POU6F2: variants seen among roughly 807,000 people sequenced by gnomAD.
POU6F2 encodes POU class 6 homeobox 2.
In POU6F2, 31 loss-of-function variants were observed where a neutral mutation model predicts 71.3. The ratio of observed to expected loss-of-function variants is 0.43; its 90% confidence interval spans 0.33 to 0.59. POU6F2 has a LOEUF of 0.59. Among genes scored for constraint, POU6F2 ranks in the 20% least tolerant of loss-of-function variants. POU6F2 has a pLI of 0.04. For synonymous variants in POU6F2, 347 were observed against 355.7 expected, an observed-to-expected ratio of 0.98 and a Z score of 0.27; for missense variants, 783 against 856.8, an observed-to-expected ratio of 0.91 and a Z score of 1.07.
At chr7:39,240,779 TTTG>T (rs1317845452) in intron 4 of POU6F2, among the ~76,000 whole-genome samples, 1 of 152,172 alleles carries the variant, frequency 6.6e-6, no homozygotes, top group Admixed American at 6.6e-5. Context: ...TAATGAAGTT[TTTG>T]TTATTTAATG....
chr7:38,998,109 G>T lies in POU6F2; in HGVS notation c.105+20051G>T, dbSNP rs149662634. Among the ~76,000 whole-genome samples the T allele has an allele frequency of 9.0e-3, 1,365 of 152,292 alleles. 18 individuals carry two copies. Among genetic ancestry groups the T allele is most frequent in the African/African-American group, 0.03 (1,253 of 41,558 alleles). ...TATATGTACATTTATTTTCTCCGAAGAATTTTTAAATGATCAAGTCTTTTA... is the reference window on the plus strand; with the variant it reads ...TATATGTACATTTATTTTCTCCGAATAATTTTTAAATGATCAAGTCTTTTA... On this transcript the variant is annotated intron_variant, in intron 1 of 9. Coordinates refer to ENST00000518318, the MANE Select transcript of POU6F2 (RefSeq NM_001370959.1).
chr7:39,016,015 T>TG (rs376501299), intron 1 of POU6F2, among the ~76,000 whole-genome samples: 10,573 of 28,204 alleles, frequency 0.37, 2,562 homozygotes, highest in South Asian at 0.61. Flanking sequence ...TATTATATAT[T>TG]ATATATATTA....
intron 1 of POU6F2, among the ~76,000 whole-genome samples, chr7:39,015,512 TATATA>T (rs1462261679): frequency 9.3e-6 from 1 of 107,776 alleles, no homozygotes; most frequent in East Asian, 3.2e-4. Flanking sequence ...TATTATTATA[TATATA>T]ATATATCTAT....
intron 5 of POU6F2, among the ~76,000 whole-genome samples, chr7:39,353,963 T>G (rs182331464): frequency 6.6e-6 from 1 of 152,342 alleles, no homozygotes; most frequent in East Asian, 1.9e-4. Context: ...GCCACTCCAG[T>G]GAGTTACATC....
chr7:39,311,496 T>G (rs1157934352), intron 4 of POU6F2, among the ~76,000 whole-genome samples: 1 of 152,218 alleles, frequency 6.6e-6, no homozygotes, highest in Non-Finnish European at 1.5e-5. Context: ...TGGCAGGAAT[T>G]TTTGTCTGTT....
chr7:39,103,773 C>T (rs750388840), intron 2 of POU6F2, among the ~76,000 whole-genome samples: 4 of 152,050 alleles, frequency 2.6e-5, no homozygotes, highest in Non-Finnish European at 5.9e-5. Flanking sequence ...CCTGTACTGG[C>T]GAACCCCTGT....
intron 4 of POU6F2, among the ~76,000 whole-genome samples, chr7:39,223,150 TG>T: frequency 6.6e-6 from 1 of 152,330 alleles, no homozygotes; most frequent in East Asian, 1.9e-4. Flanking sequence ...TATCTCATTA[TG>T]GTTGAAGGAG....
intron 1 of POU6F2, among the ~76,000 whole-genome samples, chr7:39,001,313 T>C (rs1413759012): frequency 6.6e-6 from 1 of 152,108 alleles, no homozygotes; most frequent in Non-Finnish European, 1.5e-5. Context: ...TAATAGGCGA[T>C]ATATTATTTA....
chr7:39,380,507 C>G (rs1435943576), intron 5 of POU6F2, among the ~76,000 whole-genome samples: 1 of 152,148 alleles, frequency 6.6e-6, no homozygotes, highest in Admixed American at 6.5e-5. Flanking sequence ...TCTGAAAACT[C>G]CTTATTTTCA....
rs894981790 is a variant in POU6F2, at chr7:39,466,209, A to G, written c.*1523A>G. On this transcript the variant is annotated 3_prime_UTR_variant, in exon 10 of 10. Transcript: ENST00000518318. ...AAGGAAGTTTGAAGAAGCTTTCACC[A>G]AAAGAAAAAAATATAGAAGGGGCTT... 6.6e-6 allele frequency: 1 copy of G among 152,244 alleles called. No individual in the cohort carries two copies. Among genetic ancestry groups the G allele is most frequent in the South Asian group, 2.1e-4 (1 of 4,822 alleles). The allele number at this position is 152,244 out of a possible 1,614,324, so 9.4% of individuals were successfully genotyped here. A position where few individuals can be genotyped will look rare whatever the true frequency, so the allele number is the denominator to read the frequency against.
chr7:39,418,275 T>C (rs998171641), intron 6 of POU6F2, among the ~76,000 whole-genome samples: 1 of 152,240 alleles, frequency 6.6e-6, no homozygotes, highest in African/African-American at 2.4e-5. Flanking sequence ...GAATGGAGTA[T>C]TTCATATATG....
intron 6 of POU6F2, among the ~76,000 whole-genome samples, chr7:39,430,932 C>T (rs1788084986): frequency 6.6e-6 from 1 of 152,180 alleles, no homozygotes; most frequent in Non-Finnish European, 1.5e-5. Flanking sequence ...GGGGAGTTAT[C>T]CAACATAAGC....
chr7:38,978,472 C>A (rs545811511), intron 1 of POU6F2, among the ~76,000 whole-genome samples: 1 of 152,000 alleles, frequency 6.6e-6, no homozygotes, highest in African/African-American at 2.4e-5. Context: ...TGACTGTGCT[C>A]TCTCCTTCTC....
chr7:39,100,596 T>C (rs1474935503), intron 2 of POU6F2, among the ~76,000 whole-genome samples: 1 of 152,228 alleles, frequency 6.6e-6, no homozygotes, highest in African/African-American at 2.4e-5. Flanking sequence ...ATTGTGATAT[T>C]GAAAAATATT....
At chr7:39,211,875 T>C (rs1195640324) in intron 4 of POU6F2, among the ~76,000 whole-genome samples, 1 of 152,210 alleles carries the variant, frequency 6.6e-6, no homozygotes, top group East Asian at 1.9e-4. Flanking sequence ...CTCTACTGCA[T>C]TGGATGGCTT....
chr7:39,205,168 G>T (rs1289103493), intron 3 of POU6F2, among the ~76,000 whole-genome samples: 1 of 152,034 alleles, frequency 6.6e-6, no homozygotes, highest in Non-Finnish European at 1.5e-5. Context: ...AGATCACTCT[G>T]TGCCTGTGGA....
At chr7:39,247,199 T>G (rs1783836981) in intron 4 of POU6F2, among the ~76,000 whole-genome samples, 1 of 152,142 alleles carries the variant, frequency 6.6e-6, no homozygotes, top group Non-Finnish European at 1.5e-5. Flanking sequence ...CCAAGCATGG[T>G]GTATCATGCC....
At chr7:39,159,521 G>A (rs992900763) in intron 2 of POU6F2, among the ~76,000 whole-genome samples, 3 of 152,174 alleles carry the variant, frequency 2.0e-5, no homozygotes, top group Non-Finnish European at 4.4e-5. Context: ...TTTTTAAAGT[G>A]TTGAAACGTA....
intron 4 of POU6F2, among the ~76,000 whole-genome samples, chr7:39,285,061 A>G (rs1428951227): frequency 6.6e-6 from 1 of 152,228 alleles, no homozygotes; most frequent in African/African-American, 2.4e-5. Flanking sequence ...TACATCTTAC[A>G]GAGAAGGAAA....
Sources: allele counts gnomAD v4.1 joint callset (sites outside exome capture counted in the v4.1 genomes callset), GRCh38; gene constraint gnomAD v4.1.1; transcripts MANE v1.5; gene names NCBI Gene and HGNC (gene_info 2026-07-23, HGNC 2026-07-21).